The following PRKG1 variants were observed in gnomAD, a reference collection of about 807,000 sequenced individuals.
The protein encoded by PRKG1 is protein kinase cGMP-dependent 1.
In PRKG1, 35 loss-of-function variants were observed where a neutral mutation model predicts 88.1. The observed-to-expected ratio is 0.40, with a 90% CI of 0.30 to 0.53. PRKG1 has a LOEUF of 0.53. Among genes scored for constraint, PRKG1 ranks in the 20% least tolerant of loss-of-function variants. PRKG1 has a pLI of 0.59. For synonymous variants in PRKG1, 303 were observed against 292.5 expected, an observed-to-expected ratio of 1.04 and a Z score of -0.37; for missense variants, 540 against 839.8, an observed-to-expected ratio of 0.64 and a Z score of 4.41.
chr10:52,082,936 T>A (rs1271383155), intron 7 of PRKG1, among the ~76,000 whole-genome samples: 1 of 152,054 alleles, frequency 6.6e-6, no homozygotes, highest in Non-Finnish European at 1.5e-5. Flanking sequence ...TAGATTATGA[T>A]GTTAAAGAAA....
At chr10:51,593,386 T>C (rs1838360942) in intron 3 of PRKG1, among the ~76,000 whole-genome samples, 2 of 152,200 alleles carry the variant, frequency 1.3e-5, no homozygotes, top group Non-Finnish European at 2.9e-5. Context: ...ATATTCGCTT[T>C]CTTATTAGAC....
At chr10:51,951,518 C>A (rs1007078530) in intron 5 of PRKG1, among the ~76,000 whole-genome samples, 1 of 152,074 alleles carries the variant, frequency 6.6e-6, no homozygotes, top group Non-Finnish European at 1.5e-5. Context: ...GATCCTTATT[C>A]CTTATAACAC....
At chr10:51,627,993 T>TTC (rs1564579780) in intron 3 of PRKG1, among the ~76,000 whole-genome samples, 1 of 23,422 alleles carries the variant, frequency 4.3e-5, no homozygotes, top group Non-Finnish European at 9.1e-5. Context: ...TCTTTCTTTC[T>TTC]CTCTCTCTCT....
intron 2 of PRKG1, among the ~76,000 whole-genome samples, chr10:51,390,345 T>C (rs538013170): frequency 3.3e-5 from 5 of 152,314 alleles, no homozygotes; most frequent in African/African-American, 1.2e-4. Flanking sequence ...GCTAAATACA[T>C]TGATATACAC....
intron 1 of PRKG1, among the ~76,000 whole-genome samples, chr10:51,096,395 C>T (rs146899074): frequency 6.6e-4 from 101 of 152,264 alleles, no homozygotes; most frequent in Non-Finnish European, 2.8e-4. Context: ...CTCCTACTAG[C>T]CTCATGGTTG....
intron 3 of PRKG1, among the ~76,000 whole-genome samples, chr10:51,728,196 AT>A (rs201149018): frequency 4.0e-5 from 6 of 151,484 alleles, no homozygotes; most frequent in South Asian, 4.2e-4. Context: ...TAAATTTGAG[AT>A]TTTTTTTTAC....
intron 2 of PRKG1, among the ~76,000 whole-genome samples, chr10:51,155,797 A>G (rs1246849404): frequency 6.6e-6 from 1 of 151,910 alleles, no homozygotes; most frequent in Non-Finnish European, 1.5e-5. Context: ...ACTTTTTTCT[A>G]TTTGACTGAC....
At chr10:51,516,068 G>C (rs573628921) in intron 3 of PRKG1, among the ~76,000 whole-genome samples, 2 of 152,272 alleles carry the variant, frequency 1.3e-5, no homozygotes, top group Admixed American at 1.3e-4. Context: ...TGCACTTGGT[G>C]CAACCTGAAT....
intron 3 of PRKG1, among the ~76,000 whole-genome samples, chr10:51,497,159 T>G (rs543720457): frequency 5.9e-5 from 9 of 152,192 alleles, no homozygotes; most frequent in Admixed American, 2.0e-4. Flanking sequence ...AACTTTAGTT[T>G]CATTATTGGG....
chr10:51,487,913 C>G (rs1163215311), intron 3 of PRKG1, among the ~76,000 whole-genome samples: 1 of 152,154 alleles, frequency 6.6e-6, no homozygotes, highest in Non-Finnish European at 1.5e-5. Flanking sequence ...GAAGAAACAA[C>G]TGAGGATTTC....
At position 51,526,394 on chromosome 10, in the gene PRKG1, C is replaced by T. The variant is rs118121344; in HGVS notation, c.592+58558C>T. Among the ~76,000 whole-genome samples, 22 of 152,182 alleles carry T rather than the reference C, an allele frequency of 1.4e-4. No individual in the cohort carries two copies. In the East Asian group the frequency reaches 3.9e-3, roughly 27 times the overall value. ...TCATGGTATTTGCCATTAAAAGCAG[C>T]GCTAAAACCTGCAGTTACTTTTGCA... On this transcript the variant is annotated intron_variant, in intron 3 of 17. Transcript: ENST00000373980.
At chr10:52,274,225 G>T (rs1183418710) in intron 12 of PRKG1, among the ~76,000 whole-genome samples, 1 of 152,124 alleles carries the variant, frequency 6.6e-6, no homozygotes, top group Non-Finnish European at 1.5e-5. Context: ...TACCCATCAC[G>T]CAAGCAGTAT....
At chr10:52,053,169 G>A (rs1480829447) in intron 5 of PRKG1, among the ~76,000 whole-genome samples, 1 of 152,114 alleles carries the variant, frequency 6.6e-6, no homozygotes, top group African/African-American at 2.4e-5. Flanking sequence ...GTCTTGAAGT[G>A]TACATATCAG....
At chr10:51,129,802 C>A (rs1274311916) in intron 1 of PRKG1, among the ~76,000 whole-genome samples, 1 of 152,164 alleles carries the variant, frequency 6.6e-6, no homozygotes, top group African/African-American at 2.4e-5. Flanking sequence ...TTTGTGATGA[C>A]TTCCCTAGCC....
chr10:51,627,980 C>CTT (rs1564579728), intron 3 of PRKG1, among the ~76,000 whole-genome samples: 8 of 24,464 alleles, frequency 3.3e-4, no homozygotes, highest in African/African-American at 5.5e-4. Flanking sequence ...CTCTTTCTTT[C>CTT]TTTCTTTCTT....
chr10:51,793,425 G>A (rs1055952857), intron 3 of PRKG1, among the ~76,000 whole-genome samples: 1 of 152,022 alleles, frequency 6.6e-6, no homozygotes, highest in African/African-American at 2.4e-5. Flanking sequence ...AAGAATGAAT[G>A]TACAAGTCAT....
chr10:52,001,792 T>C (rs2133150792), intron 5 of PRKG1, among the ~76,000 whole-genome samples: 1 of 152,204 alleles, frequency 6.6e-6, no homozygotes, highest in African/African-American at 2.4e-5. Context: ...TATGAACTCC[T>C]GTTTATTATT....
chr10:52,191,185 G>A (rs916441830), intron 9 of PRKG1, among the ~76,000 whole-genome samples: 2 of 152,180 alleles, frequency 1.3e-5, no homozygotes, highest in East Asian at 1.9e-4. Context: ...AGACAGTCTC[G>A]CTCTGTCGCC....
intron 3 of PRKG1, among the ~76,000 whole-genome samples, chr10:51,492,118 C>T (rs911641599): frequency 2.0e-5 from 3 of 152,080 alleles, no homozygotes; most frequent in Non-Finnish European, 4.4e-5. Context: ...TGTGTACGTG[C>T]TTAAAAGGGA....
Sources: gnomAD v4.1 joint callset for allele counts (sites outside exome capture counted in the v4.1 genomes callset) on GRCh38, gnomAD v4.1.1 for gene constraint, MANE v1.5 for transcripts, NCBI Gene and HGNC (gene_info 2026-07-23, HGNC 2026-07-21) for gene names.